The following HSF5 variants were observed in gnomAD, a reference collection of about 807,000 sequenced individuals.
HSF5 encodes heat shock factor protein 5.
A neutral mutation model predicts 50.8 loss-of-function variants in HSF5; 5 were observed. The observed-to-expected ratio is 0.10, with a 90% CI of 0.05 to 0.21. HSF5 has a LOEUF of 0.21. Among genes scored for constraint, HSF5 ranks in the 10% least tolerant of loss-of-function variants. The pLI, the probability that HSF5 is intolerant of heterozygous loss-of-function variation, is 1.00. For synonymous variants in HSF5, 307 were observed against 307.4 expected (o/e 1.00, Z 0.02); for missense variants, 564 against 762.6 (o/e 0.74, Z 3.07).
intron 2 of HSF5, among the ~76,000 whole-genome samples, chr17:58,468,974 A>T (rs1974909438): frequency 6.6e-6 from 1 of 152,118 alleles, no homozygotes; most frequent in African/African-American, 2.4e-5. Context: ...ATATATTTTA[A>T]ATGTTTTGGA....
chr17:58,427,916 C>T (rs1011576856), intron 5 of HSF5, among the ~76,000 whole-genome samples: 3 of 152,174 alleles, frequency 2.0e-5, no homozygotes, highest in African/African-American at 7.2e-5. Context: ...CTTTATGGCC[C>T]ATATGGTCCC....
intron 5 of HSF5, among the ~76,000 whole-genome samples, chr17:58,434,693 A>C (rs1567906361): frequency 6.6e-6 from 1 of 152,108 alleles, no homozygotes; most frequent in Non-Finnish European, 1.5e-5. Flanking sequence ...GTCTCTATAA[A>C]AATTAAAAAA....
At chr17:58,427,221 C>T (rs1321501979) in intron 5 of HSF5, among the ~76,000 whole-genome samples, 1 of 152,156 alleles carries the variant, frequency 6.6e-6, no homozygotes, top group African/African-American at 2.4e-5. Flanking sequence ...GAGCTGATCA[C>T]ACCACTGCAC....
At chr17:58,481,862 C>T (rs1359925395) in intron 1 of HSF5, among the ~76,000 whole-genome samples, 1 of 152,048 alleles carries the variant, frequency 6.6e-6, no homozygotes. Context: ...CAGCTGGGCA[C>T]GATGGTGCAT....
intron 5 of HSF5, 33 bp from the exon 6 acceptor site, chr17:58,422,463 CCT>C: frequency 4.4e-6 from 7 of 1,582,990 alleles, no homozygotes; most frequent in Non-Finnish European, 5.2e-6. Context: ...TCCCTCTTAG[CCT>C]CTCTGTAGAG....
intron 4 of HSF5, among the ~76,000 whole-genome samples, chr17:58,459,701 G>A (rs1182829767): frequency 3.3e-5 from 5 of 151,412 alleles, no homozygotes; most frequent in African/African-American, 1.2e-4. Context: ...ATGTTGCCCA[G>A]GCTGGTAACT....
chr17:58,426,737 A>G (rs1161840110), intron 5 of HSF5, among the ~76,000 whole-genome samples: 1 of 152,226 alleles, frequency 6.6e-6, no homozygotes, highest in Admixed American at 6.5e-5. Context: ...CATTTGGTTT[A>G]GGGTAATACC....
In HSF5 at chr17:58,487,955, G is replaced by A. The variant is rs372147916; in HGVS notation, c.320C>T (p.Pro107Leu). 1 of 1,611,458 alleles carries A rather than the reference G, an allele frequency of 6.2e-7. No homozygotes were observed. ...PGGGKPAGNG[P>L]LHHFHNPHFR... ...GTGCGGGTTGTGGAAGTGATGGAGC[G>A]GCCCATTGCCTGCCGGTTTGCCGCC... Residue 107 changes from proline (P) to leucine (L), a missense_variant, in exon 1 of 6, where the codon CCG becomes CTG. Around this residue, in one of 5 missense-constraint regions of HSF5, gnomAD observed 29 missense variants for 24.7 expected, o/e 1.18. Transcript: ENST00000323777.
At chr17:58,425,259 G>A (rs1020201908) in intron 5 of HSF5, among the ~76,000 whole-genome samples, 2 of 151,994 alleles carry the variant, frequency 1.3e-5, no homozygotes, top group African/African-American at 2.4e-5. Context: ...TTAGCTGGGC[G>A]TGGTGGCACA....
chr17:58,443,659 T>C (rs1223793558), intron 5 of HSF5, among the ~76,000 whole-genome samples: 1 of 152,252 alleles, frequency 6.6e-6, no homozygotes. Context: ...ACTTTCTTTT[T>C]AGTTTCTCTT....
chr17:58,430,507 C>T (rs1024543113), intron 5 of HSF5, among the ~76,000 whole-genome samples: 1 of 152,150 alleles, frequency 6.6e-6, no homozygotes, highest in African/African-American at 2.4e-5. Context: ...CCAGAGAGAA[C>T]AAAAATGGAG....
At chr17:58,446,773 G>A (rs866519827) in intron 5 of HSF5, among the ~76,000 whole-genome samples, 2 of 150,482 alleles carry the variant, frequency 1.3e-5, no homozygotes, top group Middle Eastern at 6.8e-3. Flanking sequence ...AGCTATCTGA[G>A]TGCCACGTCA....
intron 5 of HSF5, among the ~76,000 whole-genome samples, chr17:58,437,816 C>T (rs936153906): frequency 2.0e-5 from 3 of 152,174 alleles, no homozygotes; most frequent in Admixed American, 6.5e-5. Flanking sequence ...TGGTTCCCCA[C>T]TGTCAGGCAT....
In HSF5 at chr17:58,438,673, A is replaced by G. The variant is rs560856262; in HGVS notation, c.1721-16243T>C. On this transcript the variant is annotated intron_variant, in intron 5 of 5. Transcript: ENST00000323777. ...GACACATTCAGCAAAGCCCTAAAAG[A>G]AGAGATAAACTCAGGCTAGAGGTAC... Among the ~76,000 whole-genome samples, 8 of 152,202 alleles carry G rather than the reference A, an allele frequency of 5.3e-5. No homozygotes were observed. In the South Asian group the frequency reaches 1.7e-3, roughly 32 times the overall value.
At chr17:58,447,838 G>A (rs543027343) in intron 5 of HSF5, among the ~76,000 whole-genome samples, 46 of 152,194 alleles carry the variant, frequency 3.0e-4, no homozygotes, top group East Asian at 2.1e-3. Flanking sequence ...CCCAGATATC[G>A]ACAAATGTCC....
intron 4 of HSF5, among the ~76,000 whole-genome samples, chr17:58,460,672 G>A (rs907002778): frequency 2.6e-5 from 4 of 150,974 alleles, no homozygotes; most frequent in Non-Finnish European, 4.4e-5. Flanking sequence ...ACCACGCCCG[G>A]CTAATTTTTT....
chr17:58,459,071 T>C, intron 4 of HSF5, 126 bp from the exon 5 acceptor site: 1 of 782,500 alleles, frequency 1.3e-6, no homozygotes, highest in East Asian at 2.5e-5. Context: ...AGGCTTTTCA[T>C]TCTTATTATT....
chr17:58,443,959 A>G (rs1432730643), intron 5 of HSF5, among the ~76,000 whole-genome samples: 2 of 152,246 alleles, frequency 1.3e-5, no homozygotes, highest in Admixed American at 6.5e-5. Flanking sequence ...TGTGAGATTA[A>G]AACTTAAAAG....
At chr17:58,482,108 AAAATAAAT>A (rs1296382143) in intron 1 of HSF5, among the ~76,000 whole-genome samples, 3 of 61,006 alleles carry the variant, frequency 4.9e-5, no homozygotes, top group Non-Finnish European at 8.9e-5. Context: ...CTATCTCTTA[AAAATAAAT>A]AAATAAATAA....
Sources: gnomAD v4.1 joint callset for allele counts (sites outside exome capture counted in the v4.1 genomes callset) on GRCh38, gnomAD v4.1.1 for gene constraint, gnomAD v4.1.1 regional missense constraint, MANE v1.5 for transcripts, NCBI Gene and HGNC (gene_info 2026-07-23, HGNC 2026-07-21) for gene names.